Variants in NKAIN3 observed in about 807,000 individuals in gnomAD.
The protein encoded by NKAIN3 is sodium/potassium-transporting ATPase subunit beta-1-interacting protein 3.
In NKAIN3, 25 loss-of-function variants were observed where a neutral mutation model predicts 30.2. The observed-to-expected ratio is 0.83, with a 90% confidence interval of 0.60 to 1.16. NKAIN3 has a LOEUF of 1.16. Among genes scored for constraint, NKAIN3 ranks in the 50% most tolerant of loss-of-function variants. The probability of loss-of-function intolerance (pLI) is 0.00; values close to 1 mark genes in which losing one functional copy is unlikely to be tolerated. For synonymous variants in NKAIN3, 91 were observed against 89.6 expected (o/e 1.02, Z -0.09); for missense variants, 225 against 254.1 (o/e 0.89, Z 0.78).
intron 1 of NKAIN3, among the ~76,000 whole-genome samples, chr8:62,509,082 A>G (rs1807735369): frequency 6.6e-6 from 1 of 152,104 alleles, no homozygotes; most frequent in Non-Finnish European, 1.5e-5. Context: ...AATACCTACA[A>G]CAAGTGAAGG....
intron 1 of NKAIN3, among the ~76,000 whole-genome samples, chr8:62,297,751 G>T (rs951997437): frequency 6.6e-6 from 1 of 152,158 alleles, no homozygotes; most frequent in African/African-American, 2.4e-5. Context: ...CAACCATTGT[G>T]GAAGTCAGTG....
chr8:62,500,266 T>G (rs1807384134), intron 1 of NKAIN3, among the ~76,000 whole-genome samples: 1 of 152,230 alleles, frequency 6.6e-6, no homozygotes, highest in South Asian at 2.1e-4. Context: ...CAGTGTTCCT[T>G]GAATCTTGTC....
At chr8:62,655,778 A>G (rs1812745213) in intron 3 of NKAIN3, among the ~76,000 whole-genome samples, 1 of 152,052 alleles carries the variant, frequency 6.6e-6, no homozygotes, top group Non-Finnish European at 1.5e-5. Context: ...GAAGGGGATG[A>G]TGATGTATAT....
intron 4 of NKAIN3, among the ~76,000 whole-genome samples, chr8:62,833,394 G>C (rs1029331475): frequency 6.6e-6 from 1 of 151,726 alleles, no homozygotes; most frequent in African/African-American, 2.4e-5. Context: ...CCAAAAATTG[G>C]CTCTTTCAAA....
At chr8:62,532,350 G>T (rs76326684) in intron 1 of NKAIN3, among the ~76,000 whole-genome samples, 2,512 of 152,180 alleles carry the variant, frequency 0.017, 62 homozygotes, top group African/African-American at 0.053. Context: ...CCCCTGCCCA[G>T]TCCCCTAAAG....
At chr8:62,858,862 C>G (rs555502002) in intron 4 of NKAIN3, among the ~76,000 whole-genome samples, 3 of 152,304 alleles carry the variant, frequency 2.0e-5, no homozygotes, top group African/African-American at 7.2e-5. Context: ...GGAAGTGGGA[C>G]CCACAGGCCA....
chr8:62,609,265 C>G (rs538983346), intron 3 of NKAIN3, among the ~76,000 whole-genome samples: 22 of 152,284 alleles, frequency 1.4e-4, no homozygotes, highest in Non-Finnish European at 2.6e-4. Flanking sequence ...GCTTGAGGTG[C>G]TTTACAGAAC....
chr8:62,896,880 C>A (rs189165759), intron 4 of NKAIN3, among the ~76,000 whole-genome samples: 7 of 152,176 alleles, frequency 4.6e-5, no homozygotes, highest in Non-Finnish European at 1.0e-4. Flanking sequence ...AAAAGTAGGG[C>A]CAGAAGGCAG....
At chr8:62,575,467 A>T (rs2130039717) in intron 1 of NKAIN3, among the ~76,000 whole-genome samples, 1 of 152,298 alleles carries the variant, frequency 6.6e-6, no homozygotes, top group East Asian at 1.9e-4. Context: ...TTTTAAGAGG[A>T]CACCAAAAAA....
chr8:62,630,234 C>G (rs1283226647), intron 3 of NKAIN3, among the ~76,000 whole-genome samples: 1 of 151,934 alleles, frequency 6.6e-6, no homozygotes, highest in Admixed American at 6.6e-5. Context: ...GAATGCATCC[C>G]CTGCAGATAA....
intron 1 of NKAIN3, among the ~76,000 whole-genome samples, chr8:62,358,982 C>A (rs1816451481): frequency 6.6e-6 from 1 of 152,108 alleles, no homozygotes; most frequent in African/African-American, 2.4e-5. Flanking sequence ...GAGATTGAGA[C>A]CATCCTGGCT....
intron 4 of NKAIN3, among the ~76,000 whole-genome samples, chr8:62,810,296 A>T (rs1372867692): frequency 1.3e-5 from 2 of 152,138 alleles, no homozygotes; most frequent in Non-Finnish European, 2.9e-5. Context: ...TTCTTTTATG[A>T]TTTGAGGATA....
chr8:62,897,899 C>A (rs1183671719), intron 4 of NKAIN3, among the ~76,000 whole-genome samples: 6 of 152,150 alleles, frequency 3.9e-5, no homozygotes, highest in African/African-American at 9.7e-5. Flanking sequence ...AAGACCCCCA[C>A]CAGATGCAGA....
chr8:62,844,193 A>AT (rs1563589264), intron 4 of NKAIN3, among the ~76,000 whole-genome samples: 1 of 152,158 alleles, frequency 6.6e-6, no homozygotes, highest in African/African-American at 2.4e-5. Context: ...GGCCTTAAAT[A>AT]TTTTTTGGCA....
At chr8:62,720,877 T>TCACTTAAC (rs1213954334) in intron 3 of NKAIN3, among the ~76,000 whole-genome samples, 9 of 152,212 alleles carry the variant, frequency 5.9e-5, no homozygotes, top group Admixed American at 2.6e-4. Flanking sequence ...CAGCACCCTT[T>TCACTTAAC]CACTTAACTG....
At chr8:62,939,346 G>A (rs1822883359) in intron 5 of NKAIN3, among the ~76,000 whole-genome samples, 1 of 152,174 alleles carries the variant, frequency 6.6e-6, no homozygotes, top group South Asian at 2.1e-4. Context: ...AATAAGTGAG[G>A]AAAACTTTTC....
chr8:62,605,894 G>A (rs190557716), intron 3 of NKAIN3, among the ~76,000 whole-genome samples: 4 of 152,140 alleles, frequency 2.6e-5, no homozygotes, highest in East Asian at 3.9e-4. Flanking sequence ...ACAATAAAAT[G>A]TAGTGAGAAT....
rs1423275029 is a variant in NKAIN3, at chr8:62,790,044, A to G, written c.471+42915A>G. ...TTTTAGACCAATATCCTTGATGAAC[A>G]TTGATGCAAAAATCCTCAATAAAAT... On this transcript the variant is annotated intron_variant, in intron 4 of 6. Transcript: ENST00000623646. 3.3e-5 allele frequency among the ~76,000 whole-genome samples: 5 copies of G among 152,322 alleles called. No individual in the cohort carries two copies. In the East Asian group the frequency reaches 7.7e-4, roughly 24 times the overall value.
At chr8:62,284,630 C>CAAAT (rs572372461) in intron 1 of NKAIN3, among the ~76,000 whole-genome samples, 1,696 of 151,804 alleles carry the variant, frequency 0.011, 40 homozygotes, top group African/African-American at 0.038. Context: ...AACTCTGTCT[C>CAAAT]AAATAAATAA....
Sources: gnomAD v4.1 joint callset for allele counts (sites outside exome capture counted in the v4.1 genomes callset) on GRCh38, gnomAD v4.1.1 for gene constraint, MANE v1.5 for transcripts, NCBI Gene and HGNC (gene_info 2026-07-23, HGNC 2026-07-21) for gene names.